CDH8: variants seen among roughly 807,000 people sequenced by gnomAD.
The protein encoded by CDH8 is cadherin 8.
A neutral mutation model predicts 68.1 loss-of-function variants in CDH8; 17 were observed. The ratio of observed to expected loss-of-function variants is 0.25; its 90% CI spans 0.17 to 0.37. CDH8 has a LOEUF of 0.37. Ranked by LOEUF, CDH8 falls within the 10% of genes least tolerant of loss-of-function variation. The pLI is 1.00. For missense variants in CDH8, 763 were observed against 999.3 expected (o/e 0.76, Z 3.19); for synonymous variants, 372 against 365.1 (o/e 1.02, Z -0.21).
intron 3 of CDH8, among the ~76,000 whole-genome samples, chr16:61,871,842 A>C (rs1470229465): frequency 6.7e-6 from 1 of 148,444 alleles, no homozygotes; most frequent in Non-Finnish European, 1.5e-5. Flanking sequence ...AAAAAAAAAA[A>C]AAAAACCCAG....
rs976659823 is a variant in CDH8, at chr16:61,794,376, T to A, written c.1278-4894A>T. Among the ~76,000 whole-genome samples, 4 of 152,046 alleles carry A rather than the reference T, an allele frequency of 2.6e-5. No individual in the cohort carries two copies. The South Asian group carries it at 8.3e-4, about 31-fold the overall frequency. On this transcript the variant is annotated intron_variant, in intron 7 of 11. Coordinates refer to ENST00000577390, the MANE Select transcript of CDH8 (RefSeq NM_001796.5). ...TGTGATTTAGTTATGTTATTACTGT[T>A]CCCTGATCTGTAAAATGGGGATTGT...
chr16:61,924,375 G>A (rs113693224), intron 2 of CDH8, among the ~76,000 whole-genome samples: 2 of 152,022 alleles, frequency 1.3e-5, no homozygotes, highest in Non-Finnish European at 2.9e-5. Flanking sequence ...AGGTTCTCAC[G>A]CATCATCTTG....
intron 8 of CDH8, chr16:61,743,191 T>C (rs1675115278): frequency 6.6e-6 from 1 of 152,202 alleles, no homozygotes; most frequent in Non-Finnish European, 1.5e-5. Context: ...CATTTGGATG[T>C]GTCTGAGGTC....
intron 4 of CDH8, among the ~76,000 whole-genome samples, chr16:61,831,120 T>C (rs776574006): frequency 5.3e-5 from 8 of 151,766 alleles, no homozygotes; most frequent in African/African-American, 9.7e-5. Flanking sequence ...GTAGCTTAAG[T>C]TGCATAGTAG....
intron 8 of CDH8, among the ~76,000 whole-genome samples, chr16:61,739,222 T>G (rs1959791369): frequency 6.6e-6 from 1 of 152,150 alleles, no homozygotes; most frequent in South Asian, 2.1e-4. Context: ...TGTTTCTATT[T>G]AATCTCTTAT....
At chr16:61,707,789 T>C (rs1964561341) in intron 10 of CDH8, among the ~76,000 whole-genome samples, 1 of 152,170 alleles carries the variant, frequency 6.6e-6, no homozygotes, top group African/African-American at 2.4e-5. Context: ...GACTGACAGA[T>C]CATTTTGTTT....
At chr16:61,962,859 T>G (rs1023257273) in intron 2 of CDH8, among the ~76,000 whole-genome samples, 5 of 146,808 alleles carry the variant, frequency 3.4e-5, no homozygotes, top group Non-Finnish European at 7.4e-5. Context: ...AACACTTCTG[T>G]TTTTTTTCTT....
chr16:61,961,300 G>C (rs759586370), intron 2 of CDH8, among the ~76,000 whole-genome samples: 16 of 151,842 alleles, frequency 1.1e-4, no homozygotes, highest in Non-Finnish European at 2.4e-4. Context: ...GGGCAACAGA[G>C]TGAGACATAG....
intron 11 of CDH8, 112 bp downstream of exon 11, chr16:61,655,358 T>A: frequency 1.9e-6 from 2 of 1,041,562 alleles, no homozygotes; most frequent in Non-Finnish European, 2.8e-6. Flanking sequence ...AGGAAGTTCC[T>A]CTTCCCCAAC....
At chr16:61,821,566 T>A (rs1962215831) in intron 5 of CDH8, among the ~76,000 whole-genome samples, 1 of 152,064 alleles carries the variant, frequency 6.6e-6, no homozygotes, top group East Asian at 1.9e-4. Context: ...TGAACTTACC[T>A]TTATATTTAC....
intron 10 of CDH8, chr16:61,692,036 T>C (rs891993052): frequency 1.3e-5 from 2 of 152,120 alleles, no homozygotes; most frequent in Non-Finnish European, 2.9e-5. Flanking sequence ...CCCATATAAT[T>C]TATCATCCAA....
chr16:61,663,432 T>C (rs1567409335), intron 10 of CDH8, among the ~76,000 whole-genome samples: 2 of 152,024 alleles, frequency 1.3e-5, no homozygotes. Context: ...GCATTACTCT[T>C]GTGAAGTTTT....
chr16:61,806,876 A>G (rs1472094566), intron 7 of CDH8, among the ~76,000 whole-genome samples: 16 of 96,720 alleles, frequency 1.7e-4, no homozygotes, highest in Admixed American at 4.8e-4. Flanking sequence ...TGTTGGTGGG[A>G]CTGGAAACTA....
chr16:61,699,302 A>G (rs1263202458), intron 10 of CDH8, among the ~76,000 whole-genome samples: 1 of 152,218 alleles, frequency 6.6e-6, no homozygotes, highest in Non-Finnish European at 1.5e-5. Flanking sequence ...AGAATCTTTC[A>G]CCACCATGCG....
intron 8 of CDH8, among the ~76,000 whole-genome samples, chr16:61,734,692 T>C (rs1431739366): frequency 1.3e-5 from 2 of 152,180 alleles, no homozygotes; most frequent in African/African-American, 2.4e-5. Context: ...AAGAGTTGTT[T>C]AGAGTTATTA....
intron 8 of CDH8, among the ~76,000 whole-genome samples, chr16:61,784,135 G>C (rs62050522): frequency 1.3e-5 from 2 of 151,494 alleles, no homozygotes; most frequent in Non-Finnish European, 2.9e-5. Context: ...AAAAGACACA[G>C]ACTGGCAAAT....
chr16:61,882,563 C>G (rs921769214), intron 3 of CDH8, among the ~76,000 whole-genome samples: 1 of 152,096 alleles, frequency 6.6e-6, no homozygotes, highest in African/African-American at 2.4e-5. Flanking sequence ...GAGATCTTGT[C>G]CTTTGTAGAA....
At chr16:61,821,186 T>C in intron 5 of CDH8, 73 bp from the exon 6 acceptor site, 5 of 1,205,986 alleles carry the variant, frequency 4.1e-6, no homozygotes, top group Non-Finnish European at 5.9e-6. Flanking sequence ...CAAATATCTT[T>C]TGGGCACCTC....
At chr16:61,661,656 A>G (rs1049444750) in intron 10 of CDH8, among the ~76,000 whole-genome samples, 1 of 151,978 alleles carries the variant, frequency 6.6e-6, no homozygotes, top group Admixed American at 6.6e-5. Flanking sequence ...TCTCAAATCA[A>G]TAACCTAATT....
Sources: gnomAD v4.1 joint callset for allele counts (sites outside exome capture counted in the v4.1 genomes callset) on GRCh38, gnomAD v4.1.1 for gene constraint, MANE v1.5 for transcripts, NCBI Gene and HGNC (gene_info 2026-07-23, HGNC 2026-07-21) for gene names.